The following ARPP19 variants were observed in gnomAD, a reference collection of about 807,000 sequenced individuals.
ARPP19 encodes the protein cAMP-regulated phosphoprotein 19.
ARPP19 carries 8 observed loss-of-function variants against 12.0 expected under a neutral mutation model. The ratio of observed to expected loss-of-function variants is 0.67; its 90% CI spans 0.39 to 1.21. The LOEUF is 1.21. Among genes scored for constraint, ARPP19 ranks in the 50% most tolerant of loss-of-function variants. ARPP19 has a pLI of 0.01. For synonymous variants in ARPP19, 47 were observed against 50.4 expected (o/e 0.93, Z 0.29); for missense variants, 102 against 136.3 (o/e 0.75, Z 1.25).
intron 2 of ARPP19, among the ~76,000 whole-genome samples, chr15:52,552,906 G>A (rs184917756): frequency 2.0e-5 from 3 of 152,156 alleles, no homozygotes; most frequent in East Asian, 1.9e-4. Flanking sequence ...GTGAAACCCC[G>A]TCTCTACTAA....
At position 52,549,710 on chromosome 15, in the gene ARPP19, T is replaced by G. The variant is rs1400709937; in HGVS notation, c.*2224A>C. The G allele has an allele frequency of 4.6e-5, 7 of 152,630 alleles. No individual in the cohort carries two copies. Among genetic ancestry groups the G allele is most frequent in the Admixed American group, 2.0e-4 (3 of 15,278 alleles). The allele number at this position is 152,630 out of a possible 1,614,324, so 9.5% of individuals were successfully genotyped here. A position where few individuals can be genotyped will look rare whatever the true frequency, so the allele number is the denominator to read the frequency against. ...TGGTCAGGAATAACATGGTCTCTGA[T>G]CTTTCAGATTAATCTTTCATGTGTG... On this transcript the variant is annotated 3_prime_UTR_variant, in exon 3 of 3. Coordinates refer to ENST00000249822, the MANE Select transcript of ARPP19 (RefSeq NM_006628.6).
intron 1 of ARPP19, among the ~76,000 whole-genome samples, chr15:52,565,038 CTTTT>C (rs543075410): frequency 1.5e-5 from 2 of 137,164 alleles, no homozygotes. Flanking sequence ...AAATTACCAT[CTTTT>C]TTTTTTTTTT....
rs567698592 is a variant in ARPP19, at chr15:52,557,028, T to C, written c.168+72A>G. The C allele has an allele frequency of 1.8e-3, 2,718 of 1,486,692 alleles. 5 individuals carry two copies. The highest frequency in any genetic ancestry group is 2.3e-3 in the Non-Finnish European group (2,507 of 1,075,544). The allele number at this position is 1,486,692 out of a possible 1,614,324, so 92.1% of individuals were successfully genotyped here. A position where few individuals can be genotyped will look rare whatever the true frequency, so the allele number is the denominator to read the frequency against. On this transcript the variant is annotated intron_variant, in intron 2 of 2. Transcript: ENST00000249822. ...AAGTACAATGCTATACGCACAGATA[T>C]CCGTTTCACAATCTGTCAGCATACT... is the stretch of plus-strand genomic sequence containing the variant.
intron 1 of ARPP19, among the ~76,000 whole-genome samples, chr15:52,561,237 C>A (rs1270206909): frequency 6.6e-6 from 1 of 152,098 alleles, no homozygotes; most frequent in East Asian, 1.9e-4. Context: ...AGAATGAAAA[C>A]AAAGGGGAGA....
At chr15:52,567,117 T>C (rs1241065887) in intron 1 of ARPP19, among the ~76,000 whole-genome samples, 2 of 152,196 alleles carry the variant, frequency 1.3e-5, no homozygotes, top group Non-Finnish European at 2.9e-5. Flanking sequence ...CTGTGCACAT[T>C]TTCTTCATGG....
chr15:52,565,722 C>G (rs1243059597), intron 1 of ARPP19, among the ~76,000 whole-genome samples: 1 of 152,188 alleles, frequency 6.6e-6, no homozygotes, highest in Non-Finnish European at 1.5e-5. Flanking sequence ...ACTTGACAAA[C>G]TCAAAAACTC....
Position 52,551,305 on chromosome 15 carries a change from A to G in ARPP19, c.*629T>C, listed in dbSNP as rs1276602598. On this transcript the variant is annotated 3_prime_UTR_variant, in exon 3 of 3. Transcript: ENST00000249822. ...ACAAAAGGTATTCTAACTCTACAGA[A>G]CTGAATATTAGCTTCAACGGCAGCT... 2 of 152,718 alleles carry G rather than the reference A, an allele frequency of 1.3e-5. No homozygotes were observed. The highest frequency in any genetic ancestry group is 1.3e-4 in the Admixed American group (2 of 15,286). 9.5% of individuals were successfully genotyped at this position (152,718 alleles called of 1,614,324 possible).
At chr15:52,563,221 C>G (rs7172646) in intron 1 of ARPP19, among the ~76,000 whole-genome samples, 8,379 of 152,028 alleles carry the variant, frequency 0.055, 572 homozygotes, top group African/African-American at 0.16. Flanking sequence ...CTCCAAGAAG[C>G]CTTTGTGTTA....
intron 2 of ARPP19, among the ~76,000 whole-genome samples, chr15:52,552,677 T>C (rs1013976562): frequency 6.6e-6 from 1 of 151,268 alleles, no homozygotes; most frequent in African/African-American, 2.4e-5. Flanking sequence ...TAATATAATA[T>C]TAAGCTATTT....
intron 1 of ARPP19, among the ~76,000 whole-genome samples, chr15:52,561,631 G>T (rs28728172): frequency 6.6e-6 from 1 of 151,736 alleles, no homozygotes; most frequent in Non-Finnish European, 1.5e-5. Context: ...AGGAGTGTTG[G>T]GGAGAGCAAG....
In ARPP19 at chr15:52,549,465, C is replaced by T. The variant is rs924649334; in HGVS notation, c.*2469G>A. The T allele has an allele frequency of 1.3e-5, 2 of 152,554 alleles. No individual in the cohort carries two copies. Among genetic ancestry groups the T allele is most frequent in the African/African-American group, 4.8e-5 (2 of 41,424 alleles). 9.5% of individuals were successfully genotyped at this position (152,554 alleles called of 1,614,324 possible). ...CGACAGGTCTCTCCTAATGAAAAAT[C>T]CTGAGATTTAAGCACTGTGACTTAC... On this transcript the variant is annotated 3_prime_UTR_variant, in exon 3 of 3. Coordinates refer to ENST00000249822, the MANE Select transcript of ARPP19 (RefSeq NM_006628.6).
intron 1 of ARPP19, among the ~76,000 whole-genome samples, chr15:52,567,174 C>T (rs534084456): frequency 7.2e-5 from 11 of 152,294 alleles, no homozygotes; most frequent in African/African-American, 2.6e-4. Context: ...TACAGCCAAT[C>T]CTCAATTTAA....
chr15:52,550,374 T>A lies in ARPP19; in HGVS notation c.*1560A>T, dbSNP rs1212556274. 6.6e-6 allele frequency: 1 copy of A among 152,260 alleles called. No individual in the cohort carries two copies. The highest frequency in any genetic ancestry group is 1.9e-4 in the East Asian group (1 of 5,204). 9.4% of individuals were successfully genotyped at this position (152,260 alleles called of 1,614,324 possible). A position where few individuals can be genotyped will look rare whatever the true frequency, so the allele number is the denominator to read the frequency against. On this transcript the variant is annotated 3_prime_UTR_variant, in exon 3 of 3. Transcript: ENST00000249822. ...TAAATTACTCTAATTGTCACAAGCC[T>A]AATTCAATTAGCTTGTCATAATTCC...
intron 2 of ARPP19, among the ~76,000 whole-genome samples, chr15:52,554,640 C>A (rs2077965285): frequency 6.6e-6 from 1 of 152,132 alleles, no homozygotes; most frequent in African/African-American, 2.4e-5. Flanking sequence ...ACTACACTGA[C>A]ACTAAGTGAT....
intron 1 of ARPP19, among the ~76,000 whole-genome samples, chr15:52,562,701 T>C (rs141803810): frequency 7.4e-4 from 112 of 151,970 alleles, no homozygotes; most frequent in African/African-American, 2.5e-3. Flanking sequence ...TCTCAAGGGC[T>C]TATATCAGAG....
At chr15:52,564,247 C>T in intron 1 of ARPP19, 1 of 1,533,218 alleles carries the variant, frequency 6.5e-7, no homozygotes, top group South Asian at 1.2e-5. Flanking sequence ...TGTGTTCACT[C>T]TGAATAGAAA....
intron 1 of ARPP19, 154 bp downstream of exon 1, chr15:52,568,694 C>G (rs2078110000): frequency 2.0e-6 from 1 of 507,160 alleles, no homozygotes; most frequent in South Asian, 3.1e-5. Flanking sequence ...GCGCACCAGC[C>G]AGCGACGGCG....
chr15:52,561,863 G>A (rs1454334943), intron 1 of ARPP19, among the ~76,000 whole-genome samples: 1 of 150,428 alleles, frequency 6.6e-6, no homozygotes, highest in Non-Finnish European at 1.5e-5. Flanking sequence ...TAAAAAGACT[G>A]AGGGTGGGTG....
At position 52,547,834 on chromosome 15, in the gene ARPP19, G is replaced by A. The variant is rs1287762601; in HGVS notation, c.*4100C>T. ...TCCTAAATTGTGGCATATTGAAAAC[G>A]ATATTAAGGAACAATGACTCATTAG... On this transcript the variant is annotated 3_prime_UTR_variant, in exon 3 of 3. Coordinates refer to ENST00000249822, the MANE Select transcript of ARPP19 (RefSeq NM_006628.6). 3 of 152,162 alleles carry A rather than the reference G, an allele frequency of 2.0e-5. No individual in the cohort carries two copies. The highest frequency in any genetic ancestry group is 7.2e-5 in the African/African-American group (3 of 41,438). The allele number at this position is 152,162 out of a possible 1,614,324, so 9.4% of individuals were successfully genotyped here. A position where few individuals can be genotyped will look rare whatever the true frequency, so the allele number is the denominator to read the frequency against.
Sources: gnomAD v4.1 joint callset for allele counts (sites outside exome capture counted in the v4.1 genomes callset) on GRCh38, gnomAD v4.1.1 for gene constraint, MANE v1.5 for transcripts, NCBI Gene and HGNC (gene_info 2026-07-23, HGNC 2026-07-21) for gene names.